TULP4: variants seen among roughly 807,000 people sequenced by gnomAD.
TULP4 encodes tubby-related protein 4.
TULP4 carries 16 observed loss-of-function variants against 129.0 expected under a neutral mutation model. That is an observed-to-expected ratio of 0.12 (90% confidence interval 0.08 to 0.19). The LOEUF is 0.19. TULP4 is among the 10% of genes least tolerant of loss of function. The pLI, the probability that TULP4 is intolerant of heterozygous loss-of-function variation, is 1.00. For missense variants in TULP4, 1,842 were observed against 2,059.1 expected (o/e 0.89, Z 2.04); for synonymous variants, 998 against 854.0 (o/e 1.17, Z -2.94).
chr6:158,392,869 C>T (rs1360238678), intron 1 of TULP4, among the ~76,000 whole-genome samples: 2 of 117,596 alleles, frequency 1.7e-5, no homozygotes, highest in African/African-American at 3.3e-5. Flanking sequence ...GGCGTGATCT[C>T]GGCTTGCTGC....
intron 1 of TULP4, among the ~76,000 whole-genome samples, chr6:158,385,720 TG>T (rs915041352): frequency 8.6e-6 from 1 of 116,126 alleles, no homozygotes; most frequent in Non-Finnish European, 1.8e-5. Flanking sequence ...GTAAGTTTCC[TG>T]GGTTTTTTTT....
At chr6:158,469,527 G>C (rs535863010) in intron 6 of TULP4, among the ~76,000 whole-genome samples, 1 of 151,934 alleles carries the variant, frequency 6.6e-6, no homozygotes, top group South Asian at 2.1e-4. Context: ...TGTCTGCCTC[G>C]GCCTTCCAAA....
rs1582883809 is a variant in TULP4, at chr6:158,501,859, G to A, written c.2196G>A (p.Gly732=). Residue 732 remains glycine, a synonymous_variant, in exon 13 of 14, where the codon GGG becomes GGA. Coordinates refer to ENST00000367097, the MANE Select transcript of TULP4 (RefSeq NM_020245.5). The stretch of plus-strand genomic sequence containing the variant: ...TGACCAACCAGACGACAGCTGTAGG[G>A]ACAGCAGAACATGCAGGTGACAGTG... ...DVLTNQTTAV[G]TAEHAGDSAT... 2 of 1,614,156 alleles carry A rather than the reference G, an allele frequency of 1.2e-6. No individual in the cohort carries two copies. The highest frequency in any genetic ancestry group is 8.5e-7 in the Non-Finnish European group (1 of 1,180,020).
At chr6:158,460,234 C>T (rs980962518) in intron 5 of TULP4, among the ~76,000 whole-genome samples, 5 of 152,190 alleles carry the variant, frequency 3.3e-5, no homozygotes, top group African/African-American at 1.2e-4. Context: ...CTGGTGGCAG[C>T]ATCAAAATCA....
upstream of TULP4, among the ~76,000 whole-genome samples, chr6:158,311,861 G>A (rs1275663011): frequency 6.6e-6 from 1 of 152,182 alleles, no homozygotes; most frequent in Non-Finnish European, 1.5e-5. Flanking sequence ...CATTTGTTGT[G>A]TGTTGTCTTG....
intron 13 of TULP4, 54 bp downstream of exon 13, chr6:158,504,232 C>T: frequency 7.2e-7 from 1 of 1,398,334 alleles, no homozygotes; most frequent in Non-Finnish European, 9.6e-7. Flanking sequence ...GGTTTCAGTG[C>T]TTCGGCCTTC....
chr6:158,233,324 A>G (rs1777632727), intron 1 of TULP4, among the ~76,000 whole-genome samples: 1 of 152,242 alleles, frequency 6.6e-6, no homozygotes, highest in African/African-American at 2.4e-5. Context: ...ACAGTAGTTC[A>G]GCACCTTAAG....
intron 1 of TULP4, among the ~76,000 whole-genome samples, chr6:158,329,008 A>G (rs1303356434): frequency 2.6e-5 from 4 of 152,190 alleles, no homozygotes; most frequent in Admixed American, 2.6e-4. Context: ...AGGGTGCCAC[A>G]AGGAAAAACG....
intron 6 of TULP4, among the ~76,000 whole-genome samples, chr6:158,474,868 T>C (rs1035028292): frequency 6.6e-6 from 1 of 152,188 alleles, no homozygotes; most frequent in Non-Finnish European, 1.5e-5. Context: ...TGGAGCATTT[T>C]GGGTTTCAGA....
intron 1 of TULP4, among the ~76,000 whole-genome samples, chr6:158,293,886 T>C (rs997700458): frequency 3.6e-4 from 55 of 152,246 alleles, no homozygotes; most frequent in African/African-American, 1.3e-3. Flanking sequence ...CCTGCGTTTG[T>C]CAATAGCCAC....
At chr6:158,496,045 G>T (rs1562591329) in intron 11 of TULP4, among the ~76,000 whole-genome samples, 1 of 152,182 alleles carries the variant, frequency 6.6e-6, no homozygotes, top group Non-Finnish European at 1.5e-5. Context: ...GCAATACCTT[G>T]TTATATTTAC....
intron 2 of TULP4, among the ~76,000 whole-genome samples, chr6:158,414,874 T>C (rs1778173801): frequency 6.6e-6 from 1 of 152,178 alleles, no homozygotes; most frequent in Non-Finnish European, 1.5e-5. Context: ...GTTCCAAAAA[T>C]ATCATTATTC....
chr6:158,453,805 A>G (rs1202734920), intron 5 of TULP4, among the ~76,000 whole-genome samples: 1 of 146,422 alleles, frequency 6.8e-6, no homozygotes, highest in South Asian at 2.2e-4. Context: ...AAAAAAAAAA[A>G]AGCCAGGTGT....
chr6:158,372,164 C>CCTTTT (rs374232835), intron 1 of TULP4, among the ~76,000 whole-genome samples: 6 of 83,324 alleles, frequency 7.2e-5, no homozygotes, highest in Admixed American at 3.7e-4. Flanking sequence ...ATTCTATCTG[C>CCTTTT]TTTTTTTTTT....
At chr6:158,408,193 A>T (rs1224036699) in intron 1 of TULP4, among the ~76,000 whole-genome samples, 1 of 152,208 alleles carries the variant, frequency 6.6e-6, no homozygotes, top group Non-Finnish European at 1.5e-5. Context: ...AAGGTGCTGC[A>T]CGCAGAGCAA....
chr6:158,295,985 T>G (rs1470570518), intron 1 of TULP4, among the ~76,000 whole-genome samples: 2 of 152,230 alleles, frequency 1.3e-5, no homozygotes, highest in South Asian at 2.1e-4. Flanking sequence ...AGCAACATGC[T>G]GCTTTTTGTA....
intron 7 of TULP4, 152 bp from the exon 8 acceptor site, chr6:158,480,903 A>C: frequency 1.6e-6 from 1 of 633,014 alleles, no homozygotes; most frequent in Non-Finnish European, 2.7e-6. Flanking sequence ...ACTGTTCTAC[A>C]CCACATAGTT....
At chr6:158,407,133 G>T (rs1481537133) in intron 1 of TULP4, among the ~76,000 whole-genome samples, 1 of 152,186 alleles carries the variant, frequency 6.6e-6, no homozygotes. Flanking sequence ...AAAATCTAAA[G>T]TTTTCTTCAC....
In TULP4 at chr6:158,501,227, T is replaced by C. The variant is rs1376223931; in HGVS notation, c.2015-451T>C. ...TATACACATCTGTTGCATGACACTT[T>C]CCACACTATCCATCCCATAATCATG... On this transcript the variant is annotated intron_variant, in intron 12 of 13. Transcript: ENST00000367097. Among the ~76,000 whole-genome samples, 4 of 152,212 alleles carry C rather than the reference T, an allele frequency of 2.6e-5. No individual in the cohort carries two copies. The East Asian group carries it at 7.7e-4, about 29-fold the overall frequency.
Sources: gnomAD v4.1 joint callset for allele counts (sites outside exome capture counted in the v4.1 genomes callset) on GRCh38, gnomAD v4.1.1 for gene constraint, MANE v1.5 for transcripts, NCBI Gene and HGNC (gene_info 2026-07-23, HGNC 2026-07-21) for gene names.